Variants in GIMAP4 observed in about 807,000 individuals in gnomAD.
GIMAP4 encodes the protein GTPase IMAP family member 4.
A neutral mutation model predicts 10.8 loss-of-function variants in GIMAP4; 12 were observed. That is an observed-to-expected ratio of 1.11 (90% confidence interval 0.71 to 1.81). GIMAP4 has a LOEUF of 1.81. Ranked by LOEUF, GIMAP4 falls within the 40% of genes most tolerant of loss-of-function variation. The probability of loss-of-function intolerance (pLI) is 0.00; values close to 1 mark genes in which losing one functional copy is unlikely to be tolerated. For synonymous variants in GIMAP4, 149 were observed against 147.2 expected, an observed-to-expected ratio of 1.01 and a Z score of -0.09; for missense variants, 412 against 404.6, an observed-to-expected ratio of 1.02 and a Z score of -0.16.
rs12669961 is a variant in GIMAP4, at chr7:150,573,252, A to G, written c.*192A>G. 12,079 of 550,230 alleles carry G rather than the reference A, an allele frequency of 0.022. 705 individuals are homozygous for G. The highest frequency in any genetic ancestry group is 0.15 in the African/African-American group (7,946 of 52,786). The allele number at this position is 550,230 out of a possible 1,614,324, so 34.1% of individuals were successfully genotyped here. A position where few individuals can be genotyped will look rare whatever the true frequency, so the allele number is the denominator to read the frequency against. On this transcript the variant is annotated 3_prime_UTR_variant, in exon 3 of 3. Transcript: ENST00000255945. ...CAAATTTTCAATTTGTGAAACTCCA[A>G]AGCAGAAAGTATTGGTGCTTGCTAC... is the stretch of plus-strand genomic sequence containing the variant.
chr7:150,568,054 G>A (rs1189980299), intron 1 of GIMAP4, among the ~76,000 whole-genome samples: 1 of 152,112 alleles, frequency 6.6e-6, no homozygotes, highest in African/African-American at 2.4e-5. Flanking sequence ...GGCAGAGAGA[G>A]GAGAATTCAG....
chr7:150,573,777 A>C lies in GIMAP4; in HGVS notation c.*717A>C, dbSNP rs1280151571. ...GAAACTCTTTGACGAACCTCAATTT[A>C]ACCAATTTGATGAATACCCAGTTCT... is the stretch of plus-strand genomic sequence containing the variant. On this transcript the variant is annotated 3_prime_UTR_variant, in exon 3 of 3. Coordinates refer to ENST00000255945, the MANE Select transcript of GIMAP4 (RefSeq NM_018326.3). 3 of 152,192 alleles carry C rather than the reference A, an allele frequency of 2.0e-5. No homozygotes were observed. Among genetic ancestry groups the C allele is most frequent in the African/African-American group, 7.2e-5 (3 of 41,448 alleles). 9.4% of individuals were successfully genotyped at this position (152,192 alleles called of 1,614,324 possible). A position where few individuals can be genotyped will look rare whatever the true frequency, so the allele number is the denominator to read the frequency against.
intron 1 of GIMAP4, among the ~76,000 whole-genome samples, chr7:150,568,042 T>C (rs543557396): frequency 1.3e-4 from 20 of 152,264 alleles, no homozygotes; most frequent in Non-Finnish European, 2.8e-4. Flanking sequence ...GCTTGTTCCT[T>C]AGGCAGAGAG....
At position 150,572,503 on chromosome 7, in the gene GIMAP4, G is replaced by A. The variant is rs1021786738; in HGVS notation, c.433G>A (p.Ala145Thr). 6.2e-7 allele frequency: 1 copy of A among 1,614,160 alleles called. No homozygotes were observed. The highest frequency in any genetic ancestry group is 8.5e-7 in the Non-Finnish European group (1 of 1,180,006). Residue 145 changes from alanine to threonine, a missense_variant, in exon 3 of 3, where the codon GCT (alanine) becomes ACT (threonine). Ala to Thr is a moderately conservative substitution (Grantham distance 58). Transcript: ENST00000255945. ...GATCCTGAAAATGTTTGGAGAGAGGGCTAGAAGTTTCATGATTCTCATATT... is the reference window on the plus strand; with the variant it reads ...GATCCTGAAAATGTTTGGAGAGAGGACTAGAAGTTTCATGATTCTCATATT... ...EKILKMFGER[A>T]RSFMILIFTR...
At position 150,569,969 on chromosome 7, in the gene GIMAP4, C is replaced by T; in HGVS notation, c.58+10C>T. ...CCAGGGGCCAGTTATGGTGAGAGGG[C>T]ATTCAGTGCTCCCCAGACCAGGCTG... On this transcript the variant is annotated intron_variant, in intron 2 of 2. Transcript: ENST00000255945. 1.4e-6 allele frequency: 2 copies of T among 1,460,710 alleles called. No individual in the cohort carries two copies. Among genetic ancestry groups the T allele is most frequent in the Non-Finnish European group, 1.9e-6 (2 of 1,077,382 alleles). The allele number at this position is 1,460,710 out of a possible 1,614,324, so 90.5% of individuals were successfully genotyped here.
rs769382711 is a variant in GIMAP4 at position 150,573,066 on chromosome 7, A to C, written c.*6A>C. The C allele has an allele frequency of 5.8e-6, 9 of 1,552,010 alleles. No homozygotes were observed. In the African/African-American group the frequency reaches 1.1e-4, roughly 19 times the overall value. ...GTCTGTTCGCGGAAGATTAAACTTA[A>C]TGAAAATCTGTTTGTATTTTCTGCA... On this transcript the variant is annotated 3_prime_UTR_variant, in exon 3 of 3. Transcript: ENST00000255945.
intron 1 of GIMAP4, among the ~76,000 whole-genome samples, chr7:150,568,721 T>C (rs907046955): frequency 6.6e-6 from 1 of 152,180 alleles, no homozygotes; most frequent in Non-Finnish European, 1.5e-5. Context: ...CCCCAGGGAA[T>C]AATGAGAAAT....
At chr7:150,570,752 CTTG>C (rs35640339) in intron 2 of GIMAP4, among the ~76,000 whole-genome samples, 20,347 of 152,116 alleles carry the variant, frequency 0.13, 1,486 homozygotes, top group East Asian at 0.2. Flanking sequence ...ATAACTGGGC[CTTG>C]TTGTTATCAT....
Position 150,572,321 on chromosome 7 carries a change from T to A in GIMAP4, c.251T>A (p.Val84Asp). 1 of 1,614,124 alleles carries A rather than the reference T, an allele frequency of 6.2e-7. No homozygotes were observed. The highest frequency in any genetic ancestry group is 8.5e-7 in the Non-Finnish European group (1 of 1,179,974). Residue 84 changes from valine (V) to aspartate (D), a missense_variant, in exon 3 of 3, where the codon GTT becomes GAT. Transcript: ENST00000255945. ...SSWKETELVV[V>D]DTPGIFDTEV... ...TGGAAGGAAACAGAACTTGTCGTAG[T>A]TGACACACCAGGCATTTTCGACACA... is the stretch of plus-strand genomic sequence containing the variant.
Position 150,572,803 on chromosome 7 carries a change from A to C in GIMAP4, c.733A>C (p.Arg245=). 6.2e-7 allele frequency: 1 copy of C among 1,613,928 alleles called. No homozygotes were observed. The highest frequency in any genetic ancestry group is 8.5e-7 in the Non-Finnish European group (1 of 1,179,822). Residue 245 remains arginine, a synonymous_variant, in exon 3 of 3, where the codon AGA becomes CGA. Coordinates refer to ENST00000255945, the MANE Select transcript of GIMAP4 (RefSeq NM_018326.3). ...AACACAAGCAATGCAAGAACTCCAC[A>C]GAGTGGAGCTGGAGAGAGAGAAAGC... ...KQTQAMQELH[R]VELEREKARI...
At position 150,572,337 on chromosome 7, in the gene GIMAP4, T is replaced by C. The variant is rs1795741017; in HGVS notation, c.267T>C (p.Ile89=). 6.2e-7 allele frequency: 1 copy of C among 1,613,998 alleles called. No homozygotes were observed. The highest frequency in any genetic ancestry group is 8.5e-7 in the Non-Finnish European group (1 of 1,179,980). Residue 89 remains isoleucine, a synonymous_variant, in exon 3 of 3, where the codon ATT becomes ATC. Coordinates refer to ENST00000255945, the MANE Select transcript of GIMAP4 (RefSeq NM_018326.3). ...TELVVVDTPG[I]FDTEVPNAET... is the part of the protein sequence containing the mutation. ...TTGTCGTAGTTGACACACCAGGCATTTTCGACACAGAGGTGCCCAATGCTG... is the reference window on the plus strand; with the variant it reads ...TTGTCGTAGTTGACACACCAGGCATCTTCGACACAGAGGTGCCCAATGCTG...
chr7:150,567,583 C>T (rs1393910266), intron 1 of GIMAP4, 146 bp downstream of exon 1: 1 of 152,112 alleles, frequency 6.6e-6, no homozygotes, highest in African/African-American at 2.4e-5. Flanking sequence ...TAATTTTAGG[C>T]TGTGATCTGT....
At chr7:150,568,424 C>T (rs1795689762) in intron 1 of GIMAP4, among the ~76,000 whole-genome samples, 1 of 152,224 alleles carries the variant, frequency 6.6e-6, no homozygotes. Flanking sequence ...CTGTCTTTAA[C>T]AACTACCATT....
At chr7:150,572,060 G>A (rs755534536) in intron 2 of GIMAP4, 69 bp from the exon 3 acceptor site, 22 of 974,680 alleles carry the variant, frequency 2.3e-5, no homozygotes, top group Non-Finnish European at 3.4e-5. Flanking sequence ...TGGGGGTGAG[G>A]ACTCTGCAGG....
chr7:150,571,761 A>G (rs1163466493), intron 2 of GIMAP4, among the ~76,000 whole-genome samples: 2 of 152,362 alleles, frequency 1.3e-5, no homozygotes, highest in East Asian at 3.9e-4. Context: ...AGCCTGGGCA[A>G]CAAGAGTGAA....
intron 2 of GIMAP4, 63 bp downstream of exon 2, chr7:150,570,022 G>GGGGC: frequency 1.9e-6 from 1 of 513,668 alleles, no homozygotes; most frequent in Admixed American, 2.4e-5. Flanking sequence ...GGGGGTGGGG[G>GGGGC]ATTTGGGGGG....
rs185930571 is a variant in GIMAP4 at position 150,568,960 on chromosome 7, G to A, written c.-14-928G>A. ...CAAGCTGGGCACTAGGTTGGAGGGTGAGTGCTCCAAAGAGAAGGAATGATA... is the reference window on the plus strand; with the variant it reads ...CAAGCTGGGCACTAGGTTGGAGGGTAAGTGCTCCAAAGAGAAGGAATGATA... On this transcript the variant is annotated intron_variant, in intron 1 of 2. Coordinates refer to ENST00000255945, the MANE Select transcript of GIMAP4 (RefSeq NM_018326.3). Among the ~76,000 whole-genome samples, 290 of 152,270 alleles carry A rather than the reference G, an allele frequency of 1.9e-3. 5 individuals are homozygous for A. The highest frequency in any genetic ancestry group is 0.019 in the Admixed American group (285 of 15,302).
intron 2 of GIMAP4, among the ~76,000 whole-genome samples, chr7:150,570,822 A>C (rs1795720166): frequency 6.6e-6 from 1 of 152,194 alleles, no homozygotes; most frequent in Admixed American, 6.5e-5. Context: ...CAGAAAGAAA[A>C]GGCAAGCCAC....
chr7:150,572,521 C>A lies in GIMAP4; in HGVS notation c.451C>A (p.Leu151Ile). The A allele has an allele frequency of 6.2e-7, 1 of 1,614,118 alleles. No homozygotes were observed. The highest frequency in any genetic ancestry group is 8.5e-7 in the Non-Finnish European group (1 of 1,180,000). Residue 151 changes from leucine (L) to isoleucine (I), a missense_variant, in exon 3 of 3, where the codon CTC becomes ATC. Leu to Ile is a conservative substitution (Grantham distance 5). Coordinates refer to ENST00000255945, the MANE Select transcript of GIMAP4 (RefSeq NM_018326.3). ...FGERARSFMILIFTRKDDLGD... is the reference protein window; with the variant it reads ...FGERARSFMIIIFTRKDDLGD... ...AGAGAGGGCTAGAAGTTTCATGATT[C>A]TCATATTCACCCGGAAAGATGACTT... is the stretch of plus-strand genomic sequence containing the variant.
Sources: allele counts gnomAD v4.1 joint callset (sites outside exome capture counted in the v4.1 genomes callset), GRCh38; gene constraint gnomAD v4.1.1; transcripts MANE v1.5; gene names NCBI Gene and HGNC (gene_info 2026-07-23, HGNC 2026-07-21).